The following LAMA2 variants were observed in gnomAD, a reference collection of about 807,000 sequenced individuals.
LAMA2 encodes the protein laminin subunit alpha-2.
LAMA2 carries 269 observed loss-of-function variants against 364.8 expected under a neutral mutation model. That is an observed-to-expected ratio of 0.74 (90% CI 0.67 to 0.82). The LOEUF (loss-of-function observed/expected upper bound fraction) is 0.82, where lower values mean the gene tolerates loss of function less well. Among genes scored for constraint, LAMA2 ranks in the 40% least tolerant of loss-of-function variants. LAMA2 has a pLI of 0.00. For synonymous variants in LAMA2, 1,379 were observed against 1,370.6 expected (o/e 1.01, Z -0.14); for missense variants, 3,807 against 3,873.2 (o/e 0.98, Z 0.45).
chr6:129,481,365 G>A lies in LAMA2; in HGVS notation c.7675G>A (p.Glu2559Lys), dbSNP rs765714277. The A allele has an allele frequency of 1.9e-6, 3 of 1,613,990 alleles. No individual in the cohort carries two copies. The highest frequency in any genetic ancestry group is 1.7e-5 in the Admixed American group (1 of 59,998). ...EINLSFSTKN[E>K]SGIILLGSGG... is the part of the protein sequence containing the mutation. ...CAACCTGTCATTCAGCACCAAGAAT[G>A]AGTCCGGCATCATTCTTTTGGGAAG... Residue 2559 changes from glutamate to lysine, a missense_variant, in exon 55 of 65, where the codon GAG (glutamate) becomes AAG (lysine). Coordinates refer to ENST00000421865, the MANE Select transcript of LAMA2 (RefSeq NM_000426.4).
chr6:129,389,748 AG>A (rs1779215641), intron 35 of LAMA2, among the ~76,000 whole-genome samples: 1 of 152,212 alleles, frequency 6.6e-6, no homozygotes, highest in Non-Finnish European at 1.5e-5. Context: ...AGAGAATGAA[AG>A]GGGAAGTGCC....
At chr6:129,293,193 T>G (rs949826181) in intron 20 of LAMA2, 1 of 528,032 alleles carries the variant, frequency 1.9e-6, no homozygotes, top group Non-Finnish European at 2.4e-6. Flanking sequence ...ATGCAAAGAT[T>G]AGACAATTCC....
chr6:129,159,862 A>G (rs1779349566), intron 8 of LAMA2, among the ~76,000 whole-genome samples: 1 of 152,190 alleles, frequency 6.6e-6, no homozygotes, highest in Admixed American at 6.5e-5. Context: ...AAATGAACAT[A>G]AGGATTTTCT....
chr6:129,171,446 C>A (rs926679465), intron 9 of LAMA2, among the ~76,000 whole-genome samples: 1 of 151,672 alleles, frequency 6.6e-6, no homozygotes, highest in African/African-American at 2.4e-5. Flanking sequence ...CTTAGTTTGG[C>A]TGGATATGAA....
At position 129,402,423 on chromosome 6, in the gene LAMA2, GAGA is replaced by G. The variant is rs767066183; in HGVS notation, c.5665_5667del (p.Lys1889del). On this transcript the variant is annotated inframe_deletion, in exon 39 of 65. Transcript: ENST00000421865. The stretch of plus-strand genomic sequence containing the variant: ...AGAAATAAAGGACAGGAAGCTTGCT[GAGA>G]AGGTGTCCCAGGCTGAGAGCCACGC... 5.6e-6 allele frequency: 9 copies of G among 1,613,970 alleles called. No individual in the cohort carries two copies. The Admixed American group carries it at 8.3e-5, about 15-fold the overall frequency.
chr6:129,238,431 A>G lies in LAMA2; in HGVS notation c.1783-11681A>G, dbSNP rs191797126. ...TTAGACATAACATAACGTATAATTC[A>G]GAGTTGAATTAATTTTCCCAAAATC... On this transcript the variant is annotated intron_variant, in intron 12 of 64. Transcript: ENST00000421865. 4.0e-3 allele frequency among the ~76,000 whole-genome samples: 602 copies of G among 152,316 alleles called. 2 individuals carry two copies. The highest frequency in any genetic ancestry group is 0.014 in the African/African-American group (569 of 41,574).
At chr6:129,195,188 T>A (rs1272108601) in intron 12 of LAMA2, among the ~76,000 whole-genome samples, 1 of 152,188 alleles carries the variant, frequency 6.6e-6, no homozygotes, top group African/African-American at 2.4e-5. Flanking sequence ...ATTTTCCAAG[T>A]TGCTTGGTTA....
chr6:129,438,460 T>C (rs1223848647), intron 41 of LAMA2, among the ~76,000 whole-genome samples, 186 bp from the exon 42 acceptor site: 3 of 151,936 alleles, frequency 2.0e-5, no homozygotes, highest in Non-Finnish European at 1.5e-5. Flanking sequence ...AATAATTCAA[T>C]GATAATAAAA....
chr6:129,315,677 T>C, intron 25 of LAMA2, 22 bp downstream of exon 25: 1 of 1,612,536 alleles, frequency 6.2e-7, no homozygotes, highest in South Asian at 1.1e-5. Context: ...AACTTTAATG[T>C]CAAGTGAGAA....
At chr6:128,916,440 G>A (rs941005573) in intron 1 of LAMA2, among the ~76,000 whole-genome samples, 6 of 152,152 alleles carry the variant, frequency 3.9e-5, no homozygotes, top group Non-Finnish European at 8.8e-5. Flanking sequence ...AAATCACTGA[G>A]CTTCTGTTAC....
chr6:128,891,631 C>T (rs1776455594), intron 1 of LAMA2, among the ~76,000 whole-genome samples: 1 of 152,002 alleles, frequency 6.6e-6, no homozygotes, highest in Non-Finnish European at 1.5e-5. Context: ...TTAAACCTAA[C>T]AACCTAACAT....
intron 28 of LAMA2, among the ~76,000 whole-genome samples, chr6:129,322,909 G>A (rs1166352514): frequency 6.6e-6 from 1 of 151,996 alleles, no homozygotes; most frequent in Non-Finnish European, 1.5e-5. Flanking sequence ...ATGTAAATGA[G>A]CACAAATAAA....
At chr6:129,011,034 GCAGTGGCTTGATCTTGGCT>G (rs1562917012) in intron 1 of LAMA2, among the ~76,000 whole-genome samples, 1 of 152,058 alleles carries the variant, frequency 6.6e-6, no homozygotes, top group African/African-American at 2.4e-5. Context: ...TGGCTGGAGT[GCAGTGGCTTGATCTTGGCT>G]CACTGCAACC....
At chr6:129,452,114 T>C (rs913155670) in intron 45 of LAMA2, among the ~76,000 whole-genome samples, 3 of 152,222 alleles carry the variant, frequency 2.0e-5, no homozygotes, top group Non-Finnish European at 4.4e-5. Context: ...ACAGATTCTC[T>C]CTGAGTCCAA....
At chr6:129,281,913 A>T (rs778900415) in intron 18 of LAMA2, among the ~76,000 whole-genome samples, 1 of 152,142 alleles carries the variant, frequency 6.6e-6, no homozygotes, top group Non-Finnish European at 1.5e-5. Context: ...AGCCAAAAGA[A>T]CACCTTAGAT....
intron 40 of LAMA2, among the ~76,000 whole-genome samples, chr6:129,422,676 T>C (rs1055772962): frequency 2.6e-5 from 4 of 152,202 alleles, no homozygotes; most frequent in Middle Eastern, 3.2e-3. Context: ...AATAGTTCTA[T>C]ATTCATTAGA....
chr6:129,481,805 C>T (rs758177253), intron 55 of LAMA2, among the ~76,000 whole-genome samples: 3 of 152,178 alleles, frequency 2.0e-5, no homozygotes, highest in Admixed American at 6.5e-5. Context: ...CAGTCAGCTT[C>T]GGTCCCTTAA....
chr6:129,385,779 T>C (rs1778982454), intron 35 of LAMA2, among the ~76,000 whole-genome samples: 1 of 152,202 alleles, frequency 6.6e-6, no homozygotes, highest in South Asian at 2.1e-4. Flanking sequence ...ACAATAGGAC[T>C]TAATCAATGA....
At chr6:128,934,728 C>G (rs1305475108) in intron 1 of LAMA2, among the ~76,000 whole-genome samples, 1 of 152,072 alleles carries the variant, frequency 6.6e-6, no homozygotes, top group Non-Finnish European at 1.5e-5. Context: ...AGGCTGGTCT[C>G]AAACTCCTGA....
Sources: allele counts gnomAD v4.1 joint callset (sites outside exome capture counted in the v4.1 genomes callset), GRCh38; gene constraint gnomAD v4.1.1; transcripts MANE v1.5; gene names NCBI Gene and HGNC (gene_info 2026-07-23, HGNC 2026-07-21).